The following OR2L13 variants were observed in gnomAD, a reference collection of about 807,000 sequenced individuals.
The protein encoded by OR2L13 is olfactory receptor family 2 subfamily L member 13.
Under a neutral mutation model 15.3 loss-of-function variants are expected in OR2L13, and 14 were observed. The ratio of observed to expected loss-of-function variants is 0.91; its 90% CI spans 0.60 to 1.43. OR2L13 has a LOEUF of 1.43. Ranked by LOEUF, OR2L13 falls within the 40% of genes most tolerant of loss-of-function variation. The pLI is 0.00. For missense variants in OR2L13, 367 were observed against 387.9 expected (o/e 0.95, Z 0.45); for synonymous variants, 152 against 142.9 (o/e 1.06, Z -0.45).
chr1:247,979,441 T>C, the OR2L13 span, among the ~76,000 whole-genome samples: 1 of 152,202 alleles, frequency 6.6e-6, no homozygotes, highest in East Asian at 1.9e-4. Flanking sequence ...GATATTTTGC[T>C]GAGAATGATG....
the OR2L13 span, chr1:248,022,556 C>T: frequency 6.2e-7 from 1 of 1,614,102 alleles, no homozygotes; most frequent in Non-Finnish European, 8.5e-7. Context: ...TGAGCAGCAC[C>T]ATCTTTCTTG....
At chr1:247,944,678 C>T in the OR2L13 span, among the ~76,000 whole-genome samples, 6 of 152,066 alleles carry the variant, frequency 3.9e-5, no homozygotes, top group African/African-American at 7.2e-5. Flanking sequence ...ATGGTGTATA[C>T]GTACCACAAT....
At chr1:248,038,128 A>G in the OR2L13 span, 1 of 583,462 alleles carries the variant, frequency 1.7e-6, no homozygotes, top group Non-Finnish European at 3.1e-6. Flanking sequence ...ATATAAAAAT[A>G]GTTTATATAG....
chr1:248,025,050 T>C, the OR2L13 span, among the ~76,000 whole-genome samples: 1 of 151,952 alleles, frequency 6.6e-6, no homozygotes, highest in Non-Finnish European at 1.5e-5. Flanking sequence ...AAGGACTTCA[T>C]GTCTAAAACA....
chr1:248,005,557 A>G, the OR2L13 span, among the ~76,000 whole-genome samples: 8 of 152,260 alleles, frequency 5.3e-5, no homozygotes, highest in African/African-American at 1.9e-4. Flanking sequence ...TACGAATCGT[A>G]GAATGGTTTT....
chr1:247,990,956 C>A, the OR2L13 span: 2 of 1,474,424 alleles, frequency 1.4e-6, no homozygotes, highest in South Asian at 1.1e-5. Context: ...ATGCACTCTG[C>A]AGAAGGGAGG....
chr1:247,966,148 A>G, the OR2L13 span: 4 of 1,613,952 alleles, frequency 2.5e-6, no homozygotes, highest in East Asian at 8.9e-5. Flanking sequence ...CACTCTCTTT[A>G]CCTACACAAG....
At chr1:248,033,622 T>G in the OR2L13 span, among the ~76,000 whole-genome samples, 1 of 124,306 alleles carries the variant, frequency 8.0e-6, no homozygotes, top group African/African-American at 2.9e-5. Flanking sequence ...TTTTTTTTTT[T>G]GTACAGACAG....
the OR2L13 span, chr1:247,965,527 C>T: frequency 6.2e-7 from 1 of 1,613,088 alleles, no homozygotes; most frequent in African/African-American, 1.3e-5. Flanking sequence ...CCTCATTCGA[C>T]TGAACACCAG....
the OR2L13 span, among the ~76,000 whole-genome samples, chr1:247,942,805 C>T: frequency 6.6e-6 from 1 of 151,926 alleles, no homozygotes; most frequent in East Asian, 1.9e-4. Context: ...TGCAATCATC[C>T]CTATCGTGCA....
the OR2L13 span, among the ~76,000 whole-genome samples, chr1:247,992,568 T>C: frequency 2.0e-5 from 3 of 152,158 alleles, no homozygotes; most frequent in African/African-American, 7.2e-5. Context: ...TGTCACCATA[T>C]TTATGTCCAT....
chr1:248,099,094 C>T (rs1169924313), intron 2 of OR2L13, among the ~76,000 whole-genome samples: 1 of 152,140 alleles, frequency 6.6e-6, no homozygotes, highest in African/African-American at 2.4e-5. Context: ...CTCACACTGG[C>T]TTTTCCAGTT....
the OR2L13 span, chr1:248,039,346 G>T: frequency 8.1e-6 from 5 of 613,514 alleles, no homozygotes; most frequent in Admixed American, 3.2e-5. Flanking sequence ...ATTTAGTCTT[G>T]ACAATATTAT....
chr1:247,949,504 C>T, the OR2L13 span: 2 of 1,613,798 alleles, frequency 1.2e-6, no homozygotes, highest in Admixed American at 3.3e-5. Context: ...ATTTCATGTT[C>T]CTATGGCCAG....
chr1:248,029,547 G>A, the OR2L13 span, among the ~76,000 whole-genome samples: 3 of 152,022 alleles, frequency 2.0e-5, no homozygotes, highest in African/African-American at 7.2e-5. Context: ...ATAATTTACT[G>A]AGCATTTCCA....
At chr1:248,095,799 G>A (rs564689845), upstream of OR2L13, among the ~76,000 whole-genome samples, 1 of 150,160 alleles carries the variant, frequency 6.7e-6, no homozygotes, top group Non-Finnish European at 1.5e-5. Context: ...TAGAGATGGG[G>A]TGTCACCATA....
the OR2L13 span, among the ~76,000 whole-genome samples, chr1:248,080,612 C>A: frequency 1.3e-5 from 2 of 152,102 alleles, no homozygotes; most frequent in Non-Finnish European, 2.9e-5. Flanking sequence ...TAAACTCATC[C>A]TTTCTAATGG....
chr1:248,034,880 G>A, the OR2L13 span, among the ~76,000 whole-genome samples: 1 of 152,104 alleles, frequency 6.6e-6, no homozygotes, highest in South Asian at 2.1e-4. Flanking sequence ...GAGTGCAAAA[G>A]GTTTTGGCTG....
At chr1:248,067,754 T>A in the OR2L13 span, among the ~76,000 whole-genome samples, 1 of 151,960 alleles carries the variant, frequency 6.6e-6, no homozygotes, top group Non-Finnish European at 1.5e-5. Context: ...AAGAAAGGGG[T>A]GACAGACGGC....
Sources: gnomAD v4.1 joint callset for allele counts (sites outside exome capture counted in the v4.1 genomes callset) on GRCh38, gnomAD v4.1.1 for gene constraint, MANE v1.5 for transcripts, NCBI Gene and HGNC (gene_info 2026-07-23, HGNC 2026-07-21) for gene names.